The following COL23A1 variants were observed in gnomAD, a reference collection of about 807,000 sequenced individuals.
COL23A1 encodes collagen alpha-1(XXIII) chain.
In COL23A1, 97 loss-of-function variants were observed where a neutral mutation model predicts 99.3. The ratio of observed to expected loss-of-function variants is 0.98; its 90% CI spans 0.83 to 1.16. The LOEUF (loss-of-function observed/expected upper bound fraction) is 1.16, where lower values mean the gene tolerates loss of function less well. Ranked by LOEUF, COL23A1 falls within the 50% of genes most tolerant of loss-of-function variation. The pLI, the probability that COL23A1 is intolerant of heterozygous loss-of-function variation, is 0.00. For missense variants in COL23A1, 762 were observed against 757.4 expected (o/e 1.01, Z -0.07); for synonymous variants, 320 against 308.2 (o/e 1.04, Z -0.40).
chr5:178,310,459 C>T lies in COL23A1; in HGVS notation c.362-3540G>A, dbSNP rs559151045. On this transcript the variant is annotated intron_variant, in intron 2 of 28. Transcript: ENST00000390654. The surrounding 1 kb of genome is among the most constrained non-coding windows in gnomAD (Gnocchi z 4.3). ...CGCCCCGCAGGCTCACCTTCTGCCT[C>T]GCCAGTCCTCTGAAGAAGGTGCTAG... Among the ~76,000 whole-genome samples, 5 of 152,236 alleles carry T rather than the reference C, an allele frequency of 3.3e-5. No individual in the cohort carries two copies. Among genetic ancestry groups the T allele is most frequent in the Non-Finnish European group, 5.9e-5 (4 of 68,040 alleles).
At chr5:178,483,489 G>A (rs1028815878) in intron 2 of COL23A1, among the ~76,000 whole-genome samples, 1 of 152,146 alleles carries the variant, frequency 6.6e-6, no homozygotes, top group African/African-American at 2.4e-5. Flanking sequence ...TGGCTTTCCA[G>A]CACCCCAGCT....
Position 178,589,960 on chromosome 5 carries a change from G to A in COL23A1, c.238C>T (p.Pro80Ser), listed in dbSNP as rs1006360824. ...GCCCAGGCGTCCAGGGCGCCTGGCGGCCCCGCGCGCCGCAGCAGCTCCCGC... is the reference window on the plus strand; with the variant it reads ...GCCCAGGCGTCCAGGGCGCCTGGCGACCCCGCGCGCCGCAGCAGCTCCCGC... The part of the protein sequence containing the change: ...EERELLRRAG[P>S]PGALDAWAEP... The change falls in exon 1 of 29, where the codon CCG (proline) becomes TCG (serine). Residue 80 changes from proline (P) to serine (S), a missense_variant. Physicochemically the swap from Pro to Ser is moderately conservative, Grantham distance 74. Transcript: ENST00000390654. The surrounding 1 kb of genome is among the most constrained non-coding windows in gnomAD (Gnocchi z 5.4). The A allele has an allele frequency of 3.2e-4, 419 of 1,328,434 alleles. No homozygotes were observed. The highest frequency in any genetic ancestry group is 3.7e-4 in the Non-Finnish European group (386 of 1,046,646). 82.3% of individuals were successfully genotyped at this position (1,328,434 alleles called of 1,614,324 possible). A position where few individuals can be genotyped will look rare whatever the true frequency, so the allele number is the denominator to read the frequency against.
chr5:178,271,053 G>C (rs1011124190), intron 5 of COL23A1, among the ~76,000 whole-genome samples: 4 of 152,126 alleles, frequency 2.6e-5, no homozygotes, highest in Non-Finnish European at 5.9e-5. Context: ...ATCACACCAG[G>C]GTGGGTCCAG....
intron 2 of COL23A1, among the ~76,000 whole-genome samples, chr5:178,458,939 G>A (rs1231691898): frequency 6.6e-6 from 1 of 152,180 alleles, no homozygotes; most frequent in East Asian, 1.9e-4. Flanking sequence ...TCTATTAAAT[G>A]ACACCACAGG....
chr5:178,460,638 G>A (rs1756068836), intron 2 of COL23A1, among the ~76,000 whole-genome samples: 1 of 152,152 alleles, frequency 6.6e-6, no homozygotes, highest in Non-Finnish European at 1.5e-5. Context: ...TGCTTTCCAT[G>A]CAGTCTGACA....
chr5:178,240,746 C>T (rs1160129570), intron 27 of COL23A1, among the ~76,000 whole-genome samples: 1 of 152,338 alleles, frequency 6.6e-6, no homozygotes, highest in East Asian at 1.9e-4. Flanking sequence ...CACTGAGGAA[C>T]AGAGGCCAGA....
intron 16 of COL23A1, 128 bp downstream of exon 16, chr5:178,254,821 G>C: frequency 1.3e-6 from 1 of 762,288 alleles, no homozygotes; most frequent in South Asian, 1.6e-5. Context: ...AGTAACAGCC[G>C]GGGTCTTTGT....
rs567377749 is a variant in COL23A1, at chr5:178,404,687, T to C, written c.362-97768A>G. On this transcript the variant is annotated intron_variant, in intron 2 of 28. Transcript: ENST00000390654. ...GGTCCTGCAAGGGGCACGAAGACCA[T>C]GTGTGATAACCAGACCCCTCATGTC... Among the ~76,000 whole-genome samples the C allele has an allele frequency of 2.0e-5, 3 of 151,982 alleles. No individual in the cohort carries two copies. The East Asian group carries it at 5.8e-4, about 30-fold the overall frequency.
At chr5:178,523,143 A>AATATACAT (rs1554188999) in intron 2 of COL23A1, among the ~76,000 whole-genome samples, 6 of 106,228 alleles carry the variant, frequency 5.6e-5, no homozygotes, top group African/African-American at 1.9e-4. Context: ...TCTATTTAAA[A>AATATACAT]ATATATATAT....
At chr5:178,322,299 A>ATTTTTTT (rs200208018) in intron 2 of COL23A1, among the ~76,000 whole-genome samples, 1 of 151,760 alleles carries the variant, frequency 6.6e-6, no homozygotes, top group Non-Finnish European at 1.5e-5. Flanking sequence ...GCCCACGCCT[A>ATTTTTTT]TTTTTTTTGT....
At chr5:178,285,823 C>A (rs1025573012) in intron 5 of COL23A1, among the ~76,000 whole-genome samples, 1 of 152,248 alleles carries the variant, frequency 6.6e-6, no homozygotes, top group Non-Finnish European at 1.5e-5. Flanking sequence ...AGGCTGAGAG[C>A]CGGGCAGAGC....
intron 17 of COL23A1, 141 bp downstream of exon 17, chr5:178,252,403 C>T: frequency 4.5e-6 from 3 of 661,724 alleles, no homozygotes; most frequent in Non-Finnish European, 7.6e-6. Context: ...GCCTGGGAGC[C>T]CAGGCCCGTT....
intron 2 of COL23A1, among the ~76,000 whole-genome samples, chr5:178,533,138 C>A (rs892931114): frequency 1.3e-5 from 2 of 152,182 alleles, no homozygotes; most frequent in Non-Finnish European, 2.9e-5. Context: ...CCTTGGAGAT[C>A]TGAGAACTAG....
chr5:178,296,035 A>G (rs1231530421), intron 3 of COL23A1, among the ~76,000 whole-genome samples: 1 of 152,178 alleles, frequency 6.6e-6, no homozygotes, highest in Non-Finnish European at 1.5e-5. Flanking sequence ...ACACCATTGG[A>G]TATTTGTGTA....
chr5:178,353,470 C>T (rs940437791), intron 2 of COL23A1, among the ~76,000 whole-genome samples: 4 of 152,088 alleles, frequency 2.6e-5, no homozygotes, highest in African/African-American at 9.7e-5. Context: ...ACATTCCTAG[C>T]AATCGGTGAG....
chr5:178,475,070 T>C (rs533601208), intron 2 of COL23A1, among the ~76,000 whole-genome samples: 1 of 152,170 alleles, frequency 6.6e-6, no homozygotes, highest in Non-Finnish European at 1.5e-5. Context: ...ATTCTTCCTG[T>C]GTATCTGTCT....
rs1380589293 is a variant in COL23A1 at position 178,498,658 on chromosome 5, A to T, written c.361+62024T>A. Among the ~76,000 whole-genome samples the T allele has an allele frequency of 7.2e-5, 11 of 152,320 alleles. 1 individual carries two copies. The South Asian group carries it at 1.5e-3, about 20-fold the overall frequency. The stretch of plus-strand genomic sequence containing the variant: ...TTTAAAATATTTTTAAGTCCGAATA[A>T]ATCAATAAATACTACATATCTAAGT... On this transcript the variant is annotated intron_variant, in intron 2 of 28. Coordinates refer to ENST00000390654, the MANE Select transcript of COL23A1 (RefSeq NM_173465.4).
chr5:178,306,478 A>T lies in COL23A1; in HGVS notation c.406+397T>A, dbSNP rs1458524233. 6.6e-6 allele frequency among the ~76,000 whole-genome samples: 1 copy of T among 151,758 alleles called. No homozygotes were observed. Among genetic ancestry groups the T allele is most frequent in the Non-Finnish European group, 1.5e-5 (1 of 67,918 alleles). On this transcript the variant is annotated intron_variant, in intron 3 of 28. Coordinates refer to ENST00000390654, the MANE Select transcript of COL23A1 (RefSeq NM_173465.4). This position sits in a 1 kb window ranked among gnomAD's most constrained non-coding sequence, Gnocchi z 4.1. ...CTCCTGGCGGCTCTGCCAAGGAAGG[A>T]CAGGCCACGTCTGGGGAGGGATGAA...
chr5:178,275,643 C>G (rs1756542024), intron 5 of COL23A1, among the ~76,000 whole-genome samples: 1 of 152,140 alleles, frequency 6.6e-6, no homozygotes, highest in Non-Finnish European at 1.5e-5. Flanking sequence ...CGCGCAGGTT[C>G]TCTTACAGGG....
Sources: allele counts gnomAD v4.1 joint callset (sites outside exome capture counted in the v4.1 genomes callset), GRCh38; gene constraint gnomAD v4.1.1; non-coding constraint Gnocchi (gnomAD v3.1); transcripts MANE v1.5; gene names NCBI Gene and HGNC (gene_info 2026-07-23, HGNC 2026-07-21).